The following GRIK3 variants were observed in gnomAD, a reference collection of about 807,000 sequenced individuals.
The protein encoded by GRIK3 is glutamate ionotropic receptor kainate type subunit 3.
A neutral mutation model predicts 102.5 loss-of-function variants in GRIK3; 29 were observed. The observed-to-expected ratio is 0.28, with a 90% CI of 0.21 to 0.39. The LOEUF is 0.39. Among genes scored for constraint, GRIK3 ranks in the 10% least tolerant of loss-of-function variants. The pLI, the probability that GRIK3 is intolerant of heterozygous loss-of-function variation, is 1.00. For missense variants in GRIK3, 908 were observed against 1,252.4 expected (o/e 0.73, Z 4.15); for synonymous variants, 511 against 504.9 (o/e 1.01, Z -0.16).
intron 1 of GRIK3, among the ~76,000 whole-genome samples, chr1:36,938,238 T>C (rs905518568): frequency 1.3e-5 from 2 of 152,108 alleles, no homozygotes; most frequent in Non-Finnish European, 2.9e-5. Context: ...ATACCCTGGG[T>C]CCACTGCAGG....
chr1:36,876,551 C>G (rs1477340116), intron 3 of GRIK3, among the ~76,000 whole-genome samples: 1 of 152,198 alleles, frequency 6.6e-6, no homozygotes, highest in Admixed American at 6.5e-5. Context: ...CTCCAGAATT[C>G]TTGTCAGTGA....
In GRIK3 at chr1:37,034,150, G is replaced by T; in HGVS notation, c.-42C>A. The T allele has an allele frequency of 9.9e-7, 1 of 1,010,662 alleles. No homozygotes were observed. The highest frequency in any genetic ancestry group is 1.4e-6 in the Non-Finnish European group (1 of 715,196). The allele number at this position is 1,010,662 out of a possible 1,614,324, so 62.6% of individuals were successfully genotyped here. On this transcript the variant is annotated 5_prime_UTR_variant, in exon 1 of 16. Coordinates refer to ENST00000373091, the MANE Select transcript of GRIK3 (RefSeq NM_000831.4). ...GCGTGCCCGGGGCGCGGCCGTGGCGGGCTCCCTGGGGCGGCAGCTCTAGGC... is the reference window on the plus strand; with the variant it reads ...GCGTGCCCGGGGCGCGGCCGTGGCGTGCTCCCTGGGGCGGCAGCTCTAGGC...
intron 1 of GRIK3, among the ~76,000 whole-genome samples, chr1:36,964,665 C>A (rs6426003): frequency 0.1 from 15,942 of 152,212 alleles, 987 homozygotes; most frequent in African/African-American, 0.18. Context: ...TGCCCAAGAC[C>A]ATGCCCACAG....
rs563832060 is a variant in GRIK3, at chr1:36,959,324, C to T, written c.116-68228G>A. On this transcript the variant is annotated intron_variant, in intron 1 of 15. Coordinates refer to ENST00000373091, the MANE Select transcript of GRIK3 (RefSeq NM_000831.4). Reference sequence around the variant, plus strand: ...CTGTGAGCCTCTGTGCCCCATGACTCTGTGTGCCCGGTGAGCCTGTGTGTC... The same window carrying T: ...CTGTGAGCCTCTGTGCCCCATGACTTTGTGTGCCCGGTGAGCCTGTGTGTC... Among the ~76,000 whole-genome samples, 22 of 126,768 alleles carry T rather than the reference C, an allele frequency of 1.7e-4. 4 individuals are homozygous for T. The highest frequency in any genetic ancestry group is 3.5e-4 in the Non-Finnish European group (20 of 57,660). 83.2% of individuals were successfully genotyped at this position (126,768 alleles called of 152,430 possible).
intron 1 of GRIK3, among the ~76,000 whole-genome samples, chr1:36,893,495 T>A (rs1312210783): frequency 6.6e-6 from 1 of 152,194 alleles, no homozygotes; most frequent in Non-Finnish European, 1.5e-5. Context: ...GAGATACCAT[T>A]TTTTGCCTAT....
chr1:36,832,211 G>A (rs147501693), intron 10 of GRIK3, among the ~76,000 whole-genome samples: 1,866 of 152,298 alleles, frequency 0.012, 19 homozygotes, highest in Admixed American at 0.019. Flanking sequence ...GAGTGAGGCC[G>A]GAGCCTGTCA....
At chr1:36,983,465 C>T (rs1642271137) in intron 1 of GRIK3, among the ~76,000 whole-genome samples, 1 of 152,090 alleles carries the variant, frequency 6.6e-6, no homozygotes, top group African/African-American at 2.4e-5. Context: ...ATAAGAGCTT[C>T]CTGTGTGCCA....
At chr1:36,812,909 C>T (rs914591365) in intron 13 of GRIK3, among the ~76,000 whole-genome samples, 1 of 152,244 alleles carries the variant, frequency 6.6e-6, no homozygotes, top group African/African-American at 2.4e-5. Flanking sequence ...TGCACTTGTG[C>T]CACTTGGCTG....
In GRIK3 at chr1:36,999,560, T is replaced by C. The variant is rs77713733; in HGVS notation, c.115+34434A>G. Among the ~76,000 whole-genome samples the C allele has an allele frequency of 1.6e-3, 247 of 152,082 alleles. 1 individual carries two copies. Among genetic ancestry groups the C allele is most frequent in the African/African-American group, 5.6e-3 (232 of 41,468 alleles). On this transcript the variant is annotated intron_variant, in intron 1 of 15. Coordinates refer to ENST00000373091, the MANE Select transcript of GRIK3 (RefSeq NM_000831.4). ...CTGGAAAGGGGCCTTAAGGTAATGA[T>C]CATTTTAATCTGCCCCACCTCAGCC...
intron 1 of GRIK3, among the ~76,000 whole-genome samples, chr1:36,906,519 C>A (rs547808): frequency 6.6e-6 from 1 of 152,210 alleles, no homozygotes; most frequent in Non-Finnish European, 1.5e-5. Context: ...CAAATAAAAG[C>A]TACCATGCAA....
chr1:36,882,527 G>T (rs1640992352), intron 2 of GRIK3, among the ~76,000 whole-genome samples: 1 of 152,098 alleles, frequency 6.6e-6, no homozygotes, highest in Non-Finnish European at 1.5e-5. Flanking sequence ...AATTTTCCTT[G>T]GGGCTTCACC....
rs1641410044 is a variant in GRIK3 at position 36,917,100 on chromosome 1, T to C, written c.116-26004A>G. On this transcript the variant is annotated intron_variant, in intron 1 of 15. Coordinates refer to ENST00000373091, the MANE Select transcript of GRIK3 (RefSeq NM_000831.4). ...TCTTGCATCAGTGTGATCTGTCCAG[T>C]GAGGCATGGAGTCAAAGGAGATCAT... Among the ~76,000 whole-genome samples, 4 of 152,354 alleles carry C rather than the reference T, an allele frequency of 2.6e-5. No homozygotes were observed. In the South Asian group the frequency reaches 6.2e-4, roughly 24 times the overall value.
intron 1 of GRIK3, among the ~76,000 whole-genome samples, chr1:36,906,309 C>T (rs959450871): frequency 6.6e-6 from 1 of 152,216 alleles, no homozygotes; most frequent in Non-Finnish European, 1.5e-5. Context: ...GAGGAAGTTA[C>T]TCAGACTCTC....
At chr1:36,908,643 G>A (rs1200137070) in intron 1 of GRIK3, among the ~76,000 whole-genome samples, 11 of 152,170 alleles carry the variant, frequency 7.2e-5, no homozygotes, top group African/African-American at 9.7e-5. Context: ...ATTGATTAAC[G>A]CATAATCTTA....
At chr1:36,860,055 C>T in intron 5 of GRIK3, 38 bp from the exon 6 acceptor site, 2 of 1,498,116 alleles carry the variant, frequency 1.3e-6, no homozygotes, top group Non-Finnish European at 9.0e-7. Flanking sequence ...AAGGCATGCT[C>T]ACTGCTGAGA....
intron 1 of GRIK3, among the ~76,000 whole-genome samples, chr1:36,909,637 C>G (rs565496711): frequency 2.7e-4 from 41 of 152,120 alleles, no homozygotes; most frequent in African/African-American, 9.9e-4. Flanking sequence ...CTGCCCAAAC[C>G]CATTTGCATC....
At chr1:36,871,223 A>G (rs1323959997) in intron 4 of GRIK3, among the ~76,000 whole-genome samples, 1 of 152,144 alleles carries the variant, frequency 6.6e-6, no homozygotes, top group Non-Finnish European at 1.5e-5. Context: ...AAACCCTCAA[A>G]TGAGCCTTTT....
At chr1:36,814,797 A>G (rs1270578265) in intron 13 of GRIK3, among the ~76,000 whole-genome samples, 1 of 152,050 alleles carries the variant, frequency 6.6e-6, no homozygotes, top group African/African-American at 2.4e-5. Flanking sequence ...ATCCAAGCAG[A>G]CAGACAAATG....
intron 1 of GRIK3, among the ~76,000 whole-genome samples, chr1:36,939,410 C>T (rs982719643): frequency 2.0e-5 from 3 of 152,218 alleles, no homozygotes; most frequent in African/African-American, 4.8e-5. Context: ...AGGAGAGCTA[C>T]GTTGACACAA....
Sources: allele counts gnomAD v4.1 joint callset (sites outside exome capture counted in the v4.1 genomes callset), GRCh38; gene constraint gnomAD v4.1.1; transcripts MANE v1.5; gene names NCBI Gene and HGNC (gene_info 2026-07-23, HGNC 2026-07-21).